The following ALMS1 variants were observed in gnomAD, a reference collection of about 807,000 sequenced individuals.
The protein encoded by ALMS1 is ALMS1 centrosome and basal body associated protein.
A neutral mutation model predicts 352.2 loss-of-function variants in ALMS1; 271 were observed. That is an observed-to-expected ratio of 0.77 (90% CI 0.70 to 0.85). ALMS1 has a LOEUF of 0.85. ALMS1 is among the 40% of genes least tolerant of loss of function. ALMS1 has a pLI of 0.00. For missense variants in ALMS1, 5,445 were observed against 4,870.7 expected, an observed-to-expected ratio of 1.12 and a Z score of -3.51; for synonymous variants, 1,865 against 1,761.2, an observed-to-expected ratio of 1.06 and a Z score of -1.48.
chr2:73,501,939 TC>T (rs1282766488), intron 10 of ALMS1, among the ~76,000 whole-genome samples: 2 of 152,064 alleles, frequency 1.3e-5, no homozygotes, highest in Admixed American at 1.3e-4. Flanking sequence ...ATCTTTAATG[TC>T]CCCCGGTGAC....
At chr2:73,518,076 G>GGT (rs1449343606) in intron 10 of ALMS1, among the ~76,000 whole-genome samples, 1 of 151,674 alleles carries the variant, frequency 6.6e-6, no homozygotes, top group Non-Finnish European at 1.5e-5. Flanking sequence ...TACTAAGCGT[G>GGT]GTACCCAGTA....
At chr2:73,562,868 C>T (rs1674694755) in intron 15 of ALMS1, among the ~76,000 whole-genome samples, 1 of 151,510 alleles carries the variant, frequency 6.6e-6, no homozygotes, top group African/African-American at 2.4e-5. Context: ...ACCTGGGCAA[C>T]AAGAGTGAAA....
At chr2:73,415,007 G>C (rs17009021) in intron 2 of ALMS1, among the ~76,000 whole-genome samples, 3,209 of 152,120 alleles carry the variant, frequency 0.021, 121 homozygotes, top group African/African-American at 0.072. Flanking sequence ...ACCTCTGCTT[G>C]AAACGCTGGA....
At position 73,556,733 on chromosome 2, in the gene ALMS1, C is replaced by T. The variant is rs895385550; in HGVS notation, c.10079-487C>T. Among the ~76,000 whole-genome samples the T allele has an allele frequency of 2.7e-5, 4 of 150,472 alleles. No individual in the cohort carries two copies. In the Admixed American group the frequency reaches 2.7e-4, roughly 10 times the overall value. Reference sequence around the variant, plus strand: ...TTATTTTATTTTTTTGAGACAGAGTCTCACTGTCGCCCCGGCTGGAGTGCA... The same window carrying T: ...TTATTTTATTTTTTTGAGACAGAGTTTCACTGTCGCCCCGGCTGGAGTGCA... On this transcript the variant is annotated intron_variant, in intron 13 of 22. Coordinates refer to ENST00000613296, the MANE Select transcript of ALMS1 (RefSeq NM_001378454.1).
chr2:73,551,337 G>A (rs1674427394), intron 13 of ALMS1, among the ~76,000 whole-genome samples: 1 of 149,830 alleles, frequency 6.7e-6, no homozygotes, highest in Admixed American at 6.7e-5. Context: ...TCTCTTGTTT[G>A]CTTCCATCTC....
chr2:73,562,225 G>A (rs1299234746), intron 15 of ALMS1, among the ~76,000 whole-genome samples: 1 of 152,124 alleles, frequency 6.6e-6, no homozygotes, highest in African/African-American at 2.4e-5. Flanking sequence ...GAGTGCAGTG[G>A]TGTGATCATA....
chr2:73,510,154 G>T (rs1438342237), intron 10 of ALMS1, among the ~76,000 whole-genome samples: 1 of 152,036 alleles, frequency 6.6e-6, no homozygotes, highest in African/African-American at 2.4e-5. Flanking sequence ...CCTTGCATTG[G>T]GTTAGAACAT....
chr2:73,596,788 T>C (rs1675558419), intron 16 of ALMS1, among the ~76,000 whole-genome samples: 2 of 151,444 alleles, frequency 1.3e-5, no homozygotes, highest in Non-Finnish European at 2.9e-5. Flanking sequence ...TCTGTCCTTA[T>C]ATCAATGCCA....
intron 16 of ALMS1, among the ~76,000 whole-genome samples, chr2:73,589,739 G>A (rs955145669): frequency 1.3e-5 from 2 of 152,082 alleles, no homozygotes; most frequent in South Asian, 2.1e-4. Context: ...ACCCACTTAC[G>A]CATGAACACC....
At chr2:73,411,417 C>T (rs1198385008) in intron 2 of ALMS1, among the ~76,000 whole-genome samples, 2 of 152,078 alleles carry the variant, frequency 1.3e-5, no homozygotes, top group Admixed American at 6.5e-5. Flanking sequence ...TGTTTTAAGC[C>T]ACTTAGTTTG....
intron 13 of ALMS1, among the ~76,000 whole-genome samples, chr2:73,553,588 T>TC (rs1674483705): frequency 6.6e-6 from 1 of 152,196 alleles, no homozygotes; most frequent in Non-Finnish European, 1.5e-5. Context: ...AGCAGAAGTT[T>TC]GTAATAGAAA....
At chr2:73,474,022 G>A (rs1672525899) in intron 9 of ALMS1, among the ~76,000 whole-genome samples, 1 of 151,848 alleles carries the variant, frequency 6.6e-6, no homozygotes, top group East Asian at 1.9e-4. Context: ...ATTTCAAATG[G>A]GTTAAACTCA....
chr2:73,452,259 C>G lies in ALMS1; in HGVS notation c.5732C>G (p.Pro1911Arg). The change falls in exon 8 of 23, where the codon CCA becomes CGA. Residue 1911 changes from proline to arginine, a missense_variant. By Grantham distance (103) the Pro-to-Arg change is moderately radical. Transcript: ENST00000613296. ...KASIFHQQEL[P>R]DVTEEALNVF... ...AGTATTTTTCATCAGCAGGAGTTGC[C>G]AGATGTTACTGAAGAAGCTTTAAAT... 1 of 1,614,040 alleles carries G rather than the reference C, an allele frequency of 6.2e-7. No homozygotes were observed. The highest frequency in any genetic ancestry group is 8.5e-7 in the Non-Finnish European group (1 of 1,179,992).
chr2:73,391,650 T>C (rs2103632276), intron 1 of ALMS1, among the ~76,000 whole-genome samples: 1 of 152,262 alleles, frequency 6.6e-6, no homozygotes, highest in East Asian at 1.9e-4. Context: ...GTAAAAACTA[T>C]TTAGTCGTAG....
chr2:73,557,382 A>G (rs1674569568), intron 14 of ALMS1, 28 bp downstream of exon 14: 1 of 1,613,656 alleles, frequency 6.2e-7, no homozygotes, highest in South Asian at 1.1e-5. Context: ...TCTGCGTATT[A>G]TTTTCTTCTG....
At chr2:73,493,736 AAAGT>A (rs1159160214) in intron 10 of ALMS1, among the ~76,000 whole-genome samples, 1 of 152,150 alleles carries the variant, frequency 6.6e-6, no homozygotes, top group East Asian at 1.9e-4. Flanking sequence ...AAAAATTTAT[AAAGT>A]ATGTATGTAT....
intron 9 of ALMS1, among the ~76,000 whole-genome samples, chr2:73,461,350 G>A (rs1162109626): frequency 6.6e-6 from 1 of 152,226 alleles, no homozygotes; most frequent in Non-Finnish European, 1.5e-5. Flanking sequence ...AACAGGGTCT[G>A]GAGTGGACCT....
intron 7 of ALMS1, among the ~76,000 whole-genome samples, chr2:73,447,071 T>C (rs1409188402): frequency 6.7e-6 from 1 of 149,330 alleles, no homozygotes; most frequent in Non-Finnish European, 1.5e-5. Context: ...TTTATTGCTG[T>C]ATGTAGAACA....
chr2:73,576,656 T>C (rs1285308578), intron 16 of ALMS1, among the ~76,000 whole-genome samples: 3 of 151,800 alleles, frequency 2.0e-5, no homozygotes, highest in Non-Finnish European at 2.9e-5. Context: ...GTTTCACTCT[T>C]GTTGCCCAGG....
Sources: gnomAD v4.1 joint callset for allele counts (sites outside exome capture counted in the v4.1 genomes callset) on GRCh38, gnomAD v4.1.1 for gene constraint, MANE v1.5 for transcripts, NCBI Gene and HGNC (gene_info 2026-07-23, HGNC 2026-07-21) for gene names.